RAB2A: variants seen among roughly 807,000 people sequenced by gnomAD.
RAB2A encodes RAB2A, member RAS oncogene family, also known as ras-related protein Rab-2A.
RAB2A carries 7 observed loss-of-function variants against 32.5 expected under a neutral mutation model. That is an observed-to-expected ratio of 0.22 (90% confidence interval 0.12 to 0.40). The LOEUF (loss-of-function observed/expected upper bound fraction) is 0.40. RAB2A is among the 10% of genes least tolerant of loss of function. RAB2A has a pLI of 1.00. For synonymous variants in RAB2A, 79 were observed against 85.2 expected, an observed-to-expected ratio of 0.93 and a Z score of 0.40; for missense variants, 108 against 260.7, an observed-to-expected ratio of 0.41 and a Z score of 4.03.
At chr8:60,583,801 G>A (rs191240461) in intron 3 of RAB2A, among the ~76,000 whole-genome samples, 1 of 152,298 alleles carries the variant, frequency 6.6e-6, no homozygotes, top group African/African-American at 2.4e-5. Flanking sequence ...CCCAGGGAGT[G>A]GGTTATTGAA....
At chr8:60,572,162 GA>G in intron 3 of RAB2A, 49 bp downstream of exon 3, 2 of 1,362,782 alleles carry the variant, frequency 1.5e-6, no homozygotes, top group Middle Eastern at 1.9e-4. Flanking sequence ...GTTACTTTAT[GA>G]AAGTACATCG....
chr8:60,552,785 G>A (rs1258428971), intron 1 of RAB2A: 1 of 152,156 alleles, frequency 6.6e-6, no homozygotes, highest in Non-Finnish European at 1.5e-5. Flanking sequence ...TTCAGAATTA[G>A]CTGTATATGC....
At chr8:60,565,442 G>T (rs976593564) in intron 2 of RAB2A, among the ~76,000 whole-genome samples, 49 of 146,840 alleles carry the variant, frequency 3.3e-4, no homozygotes, top group African/African-American at 1.2e-3. Context: ...AAAGAAAGAA[G>T]TAAATGATTG....
intron 3 of RAB2A, 76 bp from the exon 4 acceptor site, chr8:60,584,132 T>C (rs1803810261): frequency 1.6e-5 from 19 of 1,205,892 alleles, no homozygotes; most frequent in Admixed American, 1.6e-4. Context: ...CCTGCTCTTA[T>C]TCTGTATATG....
intron 2 of RAB2A, chr8:60,569,843 A>G (rs963017166): frequency 2.1e-5 from 8 of 386,414 alleles, no homozygotes; most frequent in African/African-American, 1.7e-4. Context: ...TAAAGAGACG[A>G]ACATACTAAA....
At chr8:60,612,947 A>T (rs1254565575) in intron 6 of RAB2A, among the ~76,000 whole-genome samples, 1 of 152,178 alleles carries the variant, frequency 6.6e-6, no homozygotes, top group Non-Finnish European at 1.5e-5. Flanking sequence ...CCACTATTGG[A>T]TGATATACGA....
At position 60,599,700 on chromosome 8, in the gene RAB2A, G is replaced by A. The variant is rs74843365; in HGVS notation, c.474+7731G>A. Among the ~76,000 whole-genome samples, 50 of 152,090 alleles carry A rather than the reference G, an allele frequency of 3.3e-4. 1 individual carries two copies. The East Asian group carries it at 9.6e-3, about 29-fold the overall frequency. ...AAGAAGATAGCCTTTTCAACAAATG[G>A]AACTCTAGCAGTTAGAAATCCAAAA... is the stretch of plus-strand genomic sequence containing the variant. On this transcript the variant is annotated intron_variant, in intron 6 of 7. Transcript: ENST00000262646.
chr8:60,543,125 G>A (rs1423875279), intron 1 of RAB2A, among the ~76,000 whole-genome samples: 1 of 152,194 alleles, frequency 6.6e-6, no homozygotes, highest in Non-Finnish European at 1.5e-5. Context: ...CAACGTAAGA[G>A]TCTTAAGAGG....
At chr8:60,584,075 C>G in intron 3 of RAB2A, 133 bp from the exon 4 acceptor site, 1 of 706,638 alleles carries the variant, frequency 1.4e-6, no homozygotes, top group Non-Finnish European at 2.5e-6. Context: ...TTTCCTAAGA[C>G]TGGTGAAGTT....
At chr8:60,525,795 A>G (rs953188637) in intron 1 of RAB2A, among the ~76,000 whole-genome samples, 1 of 151,846 alleles carries the variant, frequency 6.6e-6, no homozygotes, top group African/African-American at 2.4e-5. Flanking sequence ...TAAATAATGA[A>G]TGTGTGCTAG....
At chr8:60,539,705 C>T (rs1375730035) in intron 1 of RAB2A, among the ~76,000 whole-genome samples, 1 of 152,188 alleles carries the variant, frequency 6.6e-6, no homozygotes, top group Non-Finnish European at 1.5e-5. Flanking sequence ...GACTGAGGAA[C>T]TGGAAGAAAG....
intron 1 of RAB2A, among the ~76,000 whole-genome samples, chr8:60,547,199 A>G (rs891760972): frequency 3.3e-5 from 5 of 151,940 alleles, no homozygotes; most frequent in African/African-American, 9.6e-5. Context: ...GTTTCAGAGA[A>G]CACAGGGTTG....
intron 1 of RAB2A, among the ~76,000 whole-genome samples, chr8:60,536,081 G>GTA (rs1807552445): frequency 1.3e-5 from 2 of 152,092 alleles, no homozygotes; most frequent in Non-Finnish European, 2.9e-5. Flanking sequence ...GGGTCAACTG[G>GTA]TATTTACATT....
rs1039522761 is a variant in RAB2A at position 60,577,950 on chromosome 8, A to C, written c.186+5837A>C. On this transcript the variant is annotated intron_variant, in intron 3 of 7. Coordinates refer to ENST00000262646, the MANE Select transcript of RAB2A (RefSeq NM_002865.3). ...AGCCACCACACCCGGCCAAGGTCTA[A>C]ATTTTTAAGTTGAGTCTTTTAAGTA... is the stretch of plus-strand genomic sequence containing the variant. Among the ~76,000 whole-genome samples the C allele has an allele frequency of 2.0e-5, 3 of 151,984 alleles. No homozygotes were observed. In the East Asian group the frequency reaches 5.8e-4, roughly 29 times the overall value.
At chr8:60,572,360 T>G (rs901052778) in intron 3 of RAB2A, among the ~76,000 whole-genome samples, 1 of 152,174 alleles carries the variant, frequency 6.6e-6, no homozygotes, top group Admixed American at 6.5e-5. Context: ...TGGTCTAAAT[T>G]GAAATGCTCT....
At chr8:60,576,607 A>T (rs112580595) in intron 3 of RAB2A, among the ~76,000 whole-genome samples, 1,796 of 152,212 alleles carry the variant, frequency 0.012, 32 homozygotes, top group African/African-American at 0.041. Flanking sequence ...AATCACAGGC[A>T]TTTTTTTTCT....
At chr8:60,584,098 C>A (rs1803809683) in intron 3 of RAB2A, 110 bp from the exon 4 acceptor site, 1 of 849,750 alleles carries the variant, frequency 1.2e-6, no homozygotes, top group Non-Finnish European at 1.9e-6. Flanking sequence ...GTTTTCTTGT[C>A]TCTCTTTATG....
intron 6 of RAB2A, among the ~76,000 whole-genome samples, chr8:60,616,165 T>C (rs1804444795): frequency 6.6e-6 from 1 of 152,208 alleles, no homozygotes; most frequent in Non-Finnish European, 1.5e-5. Flanking sequence ...AAGTGCTTAA[T>C]AAAGTATTCA....
chr8:60,586,936 A>G (rs1383032219), intron 5 of RAB2A, among the ~76,000 whole-genome samples: 2 of 148,264 alleles, frequency 1.3e-5, no homozygotes, highest in Non-Finnish European at 3.0e-5. Flanking sequence ...TCTCCAAGAA[A>G]AAAAAAAAAA....
Sources: gnomAD v4.1 joint callset for allele counts (sites outside exome capture counted in the v4.1 genomes callset) on GRCh38, gnomAD v4.1.1 for gene constraint, MANE v1.5 for transcripts, NCBI Gene and HGNC (gene_info 2026-07-23, HGNC 2026-07-21) for gene names.